SNX13: variants seen among roughly 807,000 people sequenced by gnomAD.
SNX13 encodes the protein sorting nexin 13.
Under a neutral mutation model 133.6 loss-of-function variants are expected in SNX13, and 45 were observed. That is an observed-to-expected ratio of 0.34 (90% CI 0.27 to 0.43). The LOEUF is 0.43. Among genes scored for constraint, SNX13 ranks in the 20% least tolerant of loss-of-function variants. SNX13 has a pLI of 1.00. For missense variants in SNX13, 1,032 were observed against 1,145.1 expected (o/e 0.90, Z 1.43); for synonymous variants, 414 against 373.9 (o/e 1.11, Z -1.24).
At chr7:17,926,223 G>C (rs926648263) in intron 1 of SNX13, among the ~76,000 whole-genome samples, 3 of 152,136 alleles carry the variant, frequency 2.0e-5, no homozygotes, top group Non-Finnish European at 4.4e-5. Flanking sequence ...ACGGGTGCTA[G>C]TGACAGTATT....
intron 13 of SNX13, among the ~76,000 whole-genome samples, chr7:17,835,175 T>C (rs1020602827): frequency 6.6e-6 from 1 of 151,956 alleles, no homozygotes; most frequent in African/African-American, 2.4e-5. Context: ...ATAAGGTTAT[T>C]TAGGATTATT....
At chr7:17,888,793 G>C in intron 5 of SNX13, 2 of 468,474 alleles carry the variant, frequency 4.3e-6, no homozygotes, top group Admixed American at 4.7e-5. Context: ...ATTATCCTGA[G>C]AGGAACACAG....
At chr7:17,848,202 G>A (rs1404590471) in intron 11 of SNX13, among the ~76,000 whole-genome samples, 1 of 152,012 alleles carries the variant, frequency 6.6e-6, no homozygotes, top group Non-Finnish European at 1.5e-5. Context: ...GCATAACTTC[G>A]GAAAGAATCC....
rs1784659076 is a variant in SNX13 at position 17,801,655 on chromosome 7, G to A, written c.2231C>T (p.Pro744Leu). The A allele has an allele frequency of 5.0e-6, 8 of 1,605,002 alleles. No individual in the cohort carries two copies. Among genetic ancestry groups the A allele is most frequent in the East Asian group, 2.2e-5 (1 of 44,674 alleles). ...QDIKQSFFKV[P>L]PLIPKTDSDP... Reference sequence around the variant, plus strand: ...TGAATCAGTCTTAGGAATTAAAGGAGGCACCTAAAAATAAAACCAAATCCA... The same window carrying A: ...TGAATCAGTCTTAGGAATTAAAGGAAGCACCTAAAAATAAAACCAAATCCA... The change falls in exon 22 of 26, where the codon CCT becomes CTT. Residue 744 changes from proline to leucine, a missense_variant. Coordinates refer to ENST00000428135, the MANE Select transcript of SNX13 (RefSeq NM_015132.5).
intron 9 of SNX13, among the ~76,000 whole-genome samples, chr7:17,863,239 G>T (rs751738695): frequency 6.6e-6 from 1 of 152,140 alleles, no homozygotes; most frequent in Admixed American, 6.5e-5. Context: ...ATAAATATGA[G>T]TGGCAGTCAG....
intron 1 of SNX13, among the ~76,000 whole-genome samples, chr7:17,935,468 A>G (rs540496845): frequency 6.6e-6 from 1 of 152,192 alleles, no homozygotes; most frequent in Non-Finnish European, 1.5e-5. Context: ...CATGTATTTT[A>G]TTTTTTAAAT....
intron 1 of SNX13, among the ~76,000 whole-genome samples, chr7:17,911,617 A>G (rs891668842): frequency 3.4e-5 from 5 of 145,828 alleles, no homozygotes; most frequent in African/African-American, 1.3e-4. Context: ...CAGCCACGGC[A>G]ACAGAGCGAG....
intron 14 of SNX13, among the ~76,000 whole-genome samples, 169 bp downstream of exon 14, chr7:17,834,592 A>G (rs372777746): frequency 2.2e-3 from 333 of 152,054 alleles, no homozygotes; most frequent in African/African-American, 7.5e-3. Context: ...AAAATTAACG[A>G]AATAAACAAA....
chr7:17,901,564 G>T (rs1364831503), intron 1 of SNX13, among the ~76,000 whole-genome samples: 2 of 152,148 alleles, frequency 1.3e-5, no homozygotes, highest in African/African-American at 4.8e-5. Context: ...CTGCCCAGTG[G>T]TGCTTTCCAC....
At chr7:17,806,614 G>C (rs998292285) in intron 20 of SNX13, among the ~76,000 whole-genome samples, 27 of 151,840 alleles carry the variant, frequency 1.8e-4, no homozygotes, top group African/African-American at 6.1e-4. Context: ...AAATGAATCA[G>C]AAAGATAGGT....
At chr7:17,806,349 G>T (rs1373082336) in intron 20 of SNX13, among the ~76,000 whole-genome samples, 2 of 152,154 alleles carry the variant, frequency 1.3e-5, no homozygotes, top group African/African-American at 4.8e-5. Flanking sequence ...GTGTTATAAA[G>T]TATTATTTCT....
At chr7:17,930,397 T>C (rs1411282824) in intron 1 of SNX13, among the ~76,000 whole-genome samples, 2 of 152,160 alleles carry the variant, frequency 1.3e-5, no homozygotes, top group Non-Finnish European at 2.9e-5. Flanking sequence ...ATTAGGAATA[T>C]TTGGTTTGGG....
intron 1 of SNX13, among the ~76,000 whole-genome samples, chr7:17,901,106 T>C (rs1797785167): frequency 1.3e-5 from 2 of 152,074 alleles, no homozygotes; most frequent in African/African-American, 4.8e-5. Context: ...TGTCTAGAAA[T>C]GCGGTCTGGG....
At chr7:17,924,652 C>A (rs1202680612) in intron 1 of SNX13, among the ~76,000 whole-genome samples, 1 of 152,216 alleles carries the variant, frequency 6.6e-6, no homozygotes, top group African/African-American at 2.4e-5. Context: ...ACAAAAAACA[C>A]TGTGGAAACA....
chr7:17,832,170 G>A (rs1788571497), intron 15 of SNX13: 2 of 984,044 alleles, frequency 2.0e-6, no homozygotes, highest in Non-Finnish European at 2.4e-6. Flanking sequence ...ATCAAAACCA[G>A]TTCCAAAAAA....
intron 12 of SNX13, among the ~76,000 whole-genome samples, chr7:17,842,634 T>A (rs571879352): frequency 2.4e-4 from 36 of 152,026 alleles, no homozygotes; most frequent in African/African-American, 5.8e-4. Flanking sequence ...AATACGATTT[T>A]AAAAAAAATC....
intron 13 of SNX13, among the ~76,000 whole-genome samples, chr7:17,835,430 T>C (rs1432524373): frequency 1.3e-5 from 2 of 151,870 alleles, no homozygotes; most frequent in South Asian, 2.1e-4. Context: ...TCCAGTGTGA[T>C]ATGGGGAAAA....
At chr7:17,832,008 T>C (rs1788545739) in intron 15 of SNX13, 1 of 983,738 alleles carries the variant, frequency 1.0e-6, no homozygotes, top group Admixed American at 6.2e-5. Flanking sequence ...TTTCACAGTA[T>C]AAAACTCATC....
chr7:17,862,308 T>C (rs1792806974), intron 9 of SNX13, among the ~76,000 whole-genome samples: 1 of 152,232 alleles, frequency 6.6e-6, no homozygotes, highest in Non-Finnish European at 1.5e-5. Flanking sequence ...TTTTCTGTAC[T>C]ACTAAACAAA....
Sources: allele counts gnomAD v4.1 joint callset (sites outside exome capture counted in the v4.1 genomes callset), GRCh38; gene constraint gnomAD v4.1.1; transcripts MANE v1.5; gene names NCBI Gene and HGNC (gene_info 2026-07-23, HGNC 2026-07-21).